Variants in MLLT10 observed in about 807,000 individuals in gnomAD.
MLLT10 encodes the protein MLLT10 histone lysine methyltransferase DOT1L cofactor, also known as protein AF-10.
In MLLT10, 30 loss-of-function variants were observed where a neutral mutation model predicts 129.1. The observed-to-expected ratio is 0.23, with a 90% CI of 0.17 to 0.32. The LOEUF is 0.32. Among genes scored for constraint, MLLT10 ranks in the 10% least tolerant of loss-of-function variants. MLLT10 has a pLI of 1.00. For missense variants in MLLT10, 1,119 were observed against 1,268.3 expected (o/e 0.88, Z 1.79); for synonymous variants, 490 against 446.4 (o/e 1.10, Z -1.23).
intron 3 of MLLT10, among the ~76,000 whole-genome samples, chr10:21,548,938 A>G (rs1433941030): frequency 6.6e-6 from 1 of 152,000 alleles, no homozygotes; most frequent in African/African-American, 2.4e-5. Flanking sequence ...AGATGTCTTT[A>G]TATATTGTGT....
intron 11 of MLLT10, among the ~76,000 whole-genome samples, chr10:21,678,451 A>G (rs989098922): frequency 1.3e-5 from 2 of 152,150 alleles, no homozygotes; most frequent in Admixed American, 1.3e-4. Flanking sequence ...TTATGATGAA[A>G]AGTATTATTA....
intron 8 of MLLT10, among the ~76,000 whole-genome samples, chr10:21,634,666 C>A (rs923501013): frequency 6.6e-6 from 1 of 152,182 alleles, no homozygotes; most frequent in Non-Finnish European, 1.5e-5. Context: ...TCTATCAATG[C>A]TTCCATATTT....
chr10:21,574,571 G>A (rs558069126), intron 3 of MLLT10, among the ~76,000 whole-genome samples: 1 of 152,296 alleles, frequency 6.6e-6, no homozygotes, highest in Admixed American at 6.5e-5. Context: ...GCAGTGCCAT[G>A]GCTGCTGGTT....
intron 11 of MLLT10, 68 bp from the exon 12 acceptor site, chr10:21,681,264 A>C (rs541088567): frequency 1.7e-5 from 27 of 1,592,824 alleles, no homozygotes; most frequent in Non-Finnish European, 2.2e-5. Flanking sequence ...TTTCTGGCCT[A>C]TCTCTTTTTT....
At chr10:21,712,496 GGCTACAGTT>G (rs1436826993) in intron 13 of MLLT10, among the ~76,000 whole-genome samples, 1 of 152,132 alleles carries the variant, frequency 6.6e-6, no homozygotes, top group African/African-American at 2.4e-5. Context: ...TGTCCTCTAG[GGCTACAGTT>G]GCTAATTTAT....
intron 8 of MLLT10, among the ~76,000 whole-genome samples, chr10:21,620,987 A>AT (rs201542325): frequency 8.6e-4 from 117 of 136,384 alleles, no homozygotes; most frequent in South Asian, 2.1e-3. Context: ...CCTGCCAAGA[A>AT]TTTTTTTTTT....
intron 13 of MLLT10, among the ~76,000 whole-genome samples, chr10:21,687,416 A>AT (rs1169512475): frequency 6.6e-6 from 1 of 152,182 alleles, no homozygotes; most frequent in Non-Finnish European, 1.5e-5. Flanking sequence ...ATCATTTGAG[A>AT]TTCACTGTGT....
intron 9 of MLLT10, among the ~76,000 whole-genome samples, chr10:21,652,215 A>G (rs2049118195): frequency 6.6e-6 from 1 of 151,990 alleles, no homozygotes; most frequent in Non-Finnish European, 1.5e-5. Flanking sequence ...CCTGGCCTGA[A>G]TTCTCATTTC....
chr10:21,556,864 G>C (rs1290812608), intron 3 of MLLT10: 2 of 1,551,140 alleles, frequency 1.3e-6, no homozygotes, highest in Non-Finnish European at 8.7e-7. Context: ...TAGTTTCCAG[G>C]GATATTCTTT....
chr10:21,560,991 T>C (rs1398328513), intron 3 of MLLT10, among the ~76,000 whole-genome samples: 2 of 152,220 alleles, frequency 1.3e-5, no homozygotes, highest in African/African-American at 2.4e-5. Flanking sequence ...TAATTTTAGA[T>C]TCCAGACCGT....
chr10:21,704,745 GGT>G (rs2055334721), intron 13 of MLLT10, among the ~76,000 whole-genome samples: 3 of 151,544 alleles, frequency 2.0e-5, no homozygotes, highest in Admixed American at 2.0e-4. Flanking sequence ...ATATATCTAT[GGT>G]GTTGCTTGGG....
chr10:21,697,099 CAAA>C (rs1163740638), intron 13 of MLLT10, among the ~76,000 whole-genome samples: 6 of 82,660 alleles, frequency 7.3e-5, no homozygotes, highest in South Asian at 5.5e-4. Flanking sequence ...CTGATTTAAG[CAAA>C]AAAAAAAAAA....
chr10:21,730,950 G>C lies in MLLT10; in HGVS notation c.2114G>C (p.Ser705Thr), dbSNP rs1455237489. Residue 705 changes from serine to threonine, a missense_variant, in exon 17 of 23, where the codon AGT becomes ACT. By Grantham distance (58) the Ser-to-Thr change is moderately conservative. Transcript: ENST00000307729. ...QIRYDQPGNSSLENLPPVAAS... is the reference protein window; with the variant it reads ...QIRYDQPGNSTLENLPPVAAS... ...CGCTATGATCAACCAGGCAACAGCA[G>C]TTTGGAAAATCTGCCTCCAGTAGCA... The C allele has an allele frequency of 5.6e-6, 9 of 1,614,196 alleles. No homozygotes were observed. Among genetic ancestry groups the C allele is most frequent in the Non-Finnish European group, 7.6e-6 (9 of 1,180,036 alleles).
chr10:21,718,180 T>C (rs192239467), intron 14 of MLLT10, among the ~76,000 whole-genome samples: 4 of 152,074 alleles, frequency 2.6e-5, no homozygotes, highest in Admixed American at 6.6e-5. Flanking sequence ...ACCCTTTTTT[T>C]TTTCCCCCTT....
chr10:21,697,940 A>C (rs1019140009), intron 13 of MLLT10, among the ~76,000 whole-genome samples: 1 of 152,186 alleles, frequency 6.6e-6, no homozygotes, highest in Non-Finnish European at 1.5e-5. Context: ...TTATCGCTAC[A>C]TAATAATTTA....
chr10:21,665,250 G>A (rs564111124), intron 9 of MLLT10, among the ~76,000 whole-genome samples: 18 of 132,360 alleles, frequency 1.4e-4, no homozygotes, highest in African/African-American at 5.2e-4. Flanking sequence ...CTGGCCTGAA[G>A]TTAATTTAAC....
At chr10:21,582,816 C>T (rs1325874724) in intron 3 of MLLT10, among the ~76,000 whole-genome samples, 1 of 152,146 alleles carries the variant, frequency 6.6e-6, no homozygotes, top group Non-Finnish European at 1.5e-5. Flanking sequence ...TTGAAAATAT[C>T]ATTACCAGTA....
intron 8 of MLLT10, among the ~76,000 whole-genome samples, chr10:21,621,284 G>T (rs1219362553): frequency 7.0e-6 from 1 of 142,352 alleles, no homozygotes; most frequent in Non-Finnish European, 1.5e-5. Flanking sequence ...TCGCTCTGTT[G>T]CCTAGGCTGG....
chr10:21,638,742 A>G (rs1192583798), intron 8 of MLLT10, among the ~76,000 whole-genome samples: 2 of 151,994 alleles, frequency 1.3e-5, no homozygotes, highest in Non-Finnish European at 2.9e-5. Context: ...CCTCTTGGGG[A>G]TAGGGAGTGC....
Sources: gnomAD v4.1 joint callset for allele counts (sites outside exome capture counted in the v4.1 genomes callset) on GRCh38, gnomAD v4.1.1 for gene constraint, MANE v1.5 for transcripts, NCBI Gene and HGNC (gene_info 2026-07-23, HGNC 2026-07-21) for gene names.